Variants in CYYR1 observed in about 807,000 individuals in gnomAD.
CYYR1 encodes cysteine and tyrosine rich 1.
In CYYR1, 14 loss-of-function variants were observed where a neutral mutation model predicts 15.2. That is an observed-to-expected ratio of 0.92 (90% CI 0.61 to 1.44). The LOEUF is 1.44. Ranked by LOEUF, CYYR1 falls within the 40% of genes most tolerant of loss-of-function variation. The pLI is 0.00. For synonymous variants in CYYR1, 80 were observed against 77.4 expected (o/e 1.03, Z -0.18); for missense variants, 228 against 209.5 (o/e 1.09, Z -0.54).
Position 26,555,283 on chromosome 21 carries a change from A to G in CYYR1, c.176+10983T>C, listed in dbSNP as rs75129030. Among the ~76,000 whole-genome samples, 77 of 152,292 alleles carry G rather than the reference A, an allele frequency of 5.1e-4. No individual in the cohort carries two copies. In the East Asian group the frequency reaches 0.012, roughly 24 times the overall value. The stretch of plus-strand genomic sequence containing the variant: ...AGAGTTTTCAGCATTTATTTGATAA[A>G]CTTAAATTCTAATATATTTCTATGT... On this transcript the variant is annotated intron_variant, in intron 2 of 3. Coordinates refer to ENST00000652641, the MANE Select transcript of CYYR1 (RefSeq NM_001320768.2).
intron 2 of CYYR1, among the ~76,000 whole-genome samples, chr21:26,499,831 T>C (rs968640923): frequency 6.6e-6 from 1 of 150,832 alleles, no homozygotes; most frequent in Non-Finnish European, 1.5e-5. Flanking sequence ...ACAGAACACA[T>C]TTTTGTTTTT....
chr21:26,517,524 A>G (rs1181871613), intron 2 of CYYR1, among the ~76,000 whole-genome samples: 2 of 152,164 alleles, frequency 1.3e-5, no homozygotes, highest in Admixed American at 1.3e-4. Context: ...ACTTCCTGGA[A>G]TGGGGAGGAG....
chr21:26,502,658 C>T (rs550227562), intron 2 of CYYR1, among the ~76,000 whole-genome samples: 33 of 152,000 alleles, frequency 2.2e-4, no homozygotes, highest in African/African-American at 6.3e-4. Context: ...TAGAGGACTC[C>T]GATTTGTTGT....
chr21:26,571,595 C>T (rs930057984), intron 1 of CYYR1, among the ~76,000 whole-genome samples: 7 of 152,054 alleles, frequency 4.6e-5, no homozygotes, highest in South Asian at 4.1e-4. Context: ...TAAATATTGT[C>T]GAGCAGAGGA....
At chr21:26,557,243 A>C (rs1449084018) in intron 2 of CYYR1, among the ~76,000 whole-genome samples, 13 of 152,188 alleles carry the variant, frequency 8.5e-5, no homozygotes, top group Admixed American at 8.5e-4. Flanking sequence ...TGCTGCCACC[A>C]AAAACACTTT....
intron 2 of CYYR1, among the ~76,000 whole-genome samples, chr21:26,547,118 T>A (rs188945273): frequency 6.6e-6 from 1 of 152,086 alleles, no homozygotes; most frequent in Non-Finnish European, 1.5e-5. Context: ...GGGGTCCAGG[T>A]TGTGCAATGT....
chr21:26,512,079 C>T (rs1405459210), intron 2 of CYYR1, among the ~76,000 whole-genome samples: 3 of 152,062 alleles, frequency 2.0e-5, no homozygotes, highest in Admixed American at 6.6e-5. Context: ...TTCCTCTCGT[C>T]TATTTCTTAT....
intron 2 of CYYR1, among the ~76,000 whole-genome samples, chr21:26,529,460 C>T (rs2065904181): frequency 6.6e-6 from 1 of 152,118 alleles, no homozygotes; most frequent in African/African-American, 2.4e-5. Context: ...AACAGGTAAC[C>T]ACAATTTTAT....
chr21:26,495,704 G>T (rs573094280), intron 2 of CYYR1, among the ~76,000 whole-genome samples: 8 of 152,212 alleles, frequency 5.3e-5, no homozygotes. Flanking sequence ...AACTGTTGAC[G>T]TGATCAAGAA....
intron 1 of CYYR1, among the ~76,000 whole-genome samples, chr21:26,569,763 C>G (rs769491085): frequency 6.6e-6 from 1 of 152,144 alleles, no homozygotes; most frequent in Non-Finnish European, 1.5e-5. Flanking sequence ...CCATCAATAT[C>G]GAAGATTCAA....
intron 2 of CYYR1, among the ~76,000 whole-genome samples, chr21:26,494,533 T>C (rs1045780425): frequency 2.6e-5 from 4 of 152,176 alleles, no homozygotes; most frequent in Non-Finnish European, 4.4e-5. Context: ...AAATTTTAAT[T>C]ACTTGTTTCT....
chr21:26,536,706 A>G (rs1195018249), intron 2 of CYYR1, among the ~76,000 whole-genome samples: 1 of 152,110 alleles, frequency 6.6e-6, no homozygotes, highest in Non-Finnish European at 1.5e-5. Context: ...GAGACACCGG[A>G]TTGGAAATAT....
chr21:26,540,642 A>G (rs965411982), intron 2 of CYYR1, among the ~76,000 whole-genome samples: 5 of 152,200 alleles, frequency 3.3e-5, no homozygotes, highest in African/African-American at 1.2e-4. Flanking sequence ...TGCAGGAGTG[A>G]CAAAAAATGG....
intron 3 of CYYR1, among the ~76,000 whole-genome samples, chr21:26,475,820 G>A (rs1349199538): frequency 6.6e-6 from 1 of 152,160 alleles, no homozygotes; most frequent in Non-Finnish European, 1.5e-5. Flanking sequence ...CTGCCTGGGC[G>A]AAGACTTGAC....
rs769742048 is a variant in CYYR1, at chr21:26,480,424, G to T, written c.182C>A (p.Thr61Asn). 5 of 1,610,938 alleles carry T rather than the reference G, an allele frequency of 3.1e-6. No individual in the cohort carries two copies. In the Admixed American group the frequency reaches 6.7e-5, roughly 22 times the overall value. ...TCCAAAAACAATGCCCGCAATTGCA[G>T]TGCCCCTAAAAGGAAAAACAAGTAA... is the stretch of plus-strand genomic sequence containing the variant. ...YAYIGNILSG[T>N]AIAGIVFGIV... Residue 61 changes from threonine (T) to asparagine (N), a missense_variant, in exon 3 of 4, where the codon ACT becomes AAT. Transcript: ENST00000652641.
chr21:26,523,829 G>A (rs529719107), intron 2 of CYYR1, among the ~76,000 whole-genome samples: 7 of 152,158 alleles, frequency 4.6e-5, no homozygotes, highest in Non-Finnish European at 8.8e-5. Flanking sequence ...GACAATAGGC[G>A]TTACTCCCCT....
At chr21:26,513,034 C>T (rs2123522792) in intron 2 of CYYR1, among the ~76,000 whole-genome samples, 1 of 152,274 alleles carries the variant, frequency 6.6e-6, no homozygotes, top group Non-Finnish European at 1.5e-5. Flanking sequence ...TTATCATTTA[C>T]CTACCTCTGT....
At chr21:26,513,284 A>T (rs144974644) in intron 2 of CYYR1, among the ~76,000 whole-genome samples, 1,745 of 152,250 alleles carry the variant, frequency 0.011, 21 homozygotes, top group Non-Finnish European at 0.016. Context: ...ATCTTATATG[A>T]TCTTTAAGTC....
intron 2 of CYYR1, among the ~76,000 whole-genome samples, chr21:26,553,796 T>G (rs1392260788): frequency 6.6e-6 from 1 of 152,150 alleles, no homozygotes; most frequent in Non-Finnish European, 1.5e-5. Flanking sequence ...CTAAATATAA[T>G]GAGACAAAAG....
Sources: allele counts gnomAD v4.1 joint callset (sites outside exome capture counted in the v4.1 genomes callset), GRCh38; gene constraint gnomAD v4.1.1; transcripts MANE v1.5; gene names NCBI Gene and HGNC (gene_info 2026-07-23, HGNC 2026-07-21).